Variants in UBP1 observed in about 807,000 individuals in gnomAD.
UBP1 encodes upstream-binding protein 1.
A neutral mutation model predicts 76.1 loss-of-function variants in UBP1; 22 were observed. The observed-to-expected ratio is 0.29, with a 90% CI of 0.21 to 0.41. The LOEUF (loss-of-function observed/expected upper bound fraction) is 0.41, where lower values mean the gene tolerates loss of function less well. UBP1 is among the 10% of genes least tolerant of loss of function. UBP1 has a pLI of 1.00. For missense variants in UBP1, 436 were observed against 668.1 expected, an observed-to-expected ratio of 0.65 and a Z score of 3.83; for synonymous variants, 224 against 237.1, an observed-to-expected ratio of 0.94 and a Z score of 0.51.
chr3:33,428,095 T>C (rs1575489702), intron 1 of UBP1, among the ~76,000 whole-genome samples: 1 of 148,014 alleles, frequency 6.8e-6, no homozygotes, highest in Non-Finnish European at 1.5e-5. Flanking sequence ...GGCAAGAGAA[T>C]TGCCTGAACC....
At chr3:33,401,680 A>AT (rs2154056086) in intron 9 of UBP1, among the ~76,000 whole-genome samples, 1 of 152,304 alleles carries the variant, frequency 6.6e-6, no homozygotes, top group South Asian at 2.1e-4. Context: ...CTTTCTACCC[A>AT]TAAGAACTTA....
intron 1 of UBP1, among the ~76,000 whole-genome samples, chr3:33,439,099 G>A (rs964588691): frequency 2.0e-5 from 3 of 152,212 alleles, no homozygotes; most frequent in African/African-American, 7.2e-5. Flanking sequence ...ACAGACAGCA[G>A]AGACTAAACA....
intron 1 of UBP1, among the ~76,000 whole-genome samples, chr3:33,439,079 G>A (rs887887029): frequency 1.3e-5 from 2 of 152,162 alleles, no homozygotes; most frequent in Non-Finnish European, 2.9e-5. Flanking sequence ...TAAAATGAAT[G>A]ACTGCTGGTA....
At chr3:33,393,259 ATGTATAAAAG>A in intron 14 of UBP1, 43 bp downstream of exon 14, 1 of 1,508,980 alleles carries the variant, frequency 6.6e-7, no homozygotes, top group Non-Finnish European at 8.9e-7. Flanking sequence ...CTACAATTAC[ATGTATAAAAG>A]TAAATACCAG....
At chr3:33,408,590 C>G in intron 8 of UBP1, 100 bp downstream of exon 8, 1 of 912,908 alleles carries the variant, frequency 1.1e-6, no homozygotes, top group South Asian at 2.0e-5. Flanking sequence ...ACATGGACAT[C>G]AAAAACAATT....
intron 2 of UBP1, among the ~76,000 whole-genome samples, chr3:33,424,020 G>A (rs569428722): frequency 1.3e-5 from 2 of 152,296 alleles, no homozygotes; most frequent in South Asian, 4.1e-4. Context: ...TTCATTCCAT[G>A]GTATGTATGT....
At chr3:33,408,128 T>C (rs1046080887) in intron 8 of UBP1, among the ~76,000 whole-genome samples, 4 of 152,070 alleles carry the variant, frequency 2.6e-5, no homozygotes, top group Non-Finnish European at 4.4e-5. Flanking sequence ...TTTTTTTTTT[T>C]CTACCAGTGC....
intron 8 of UBP1, among the ~76,000 whole-genome samples, chr3:33,406,364 T>C (rs1282369382): frequency 6.6e-6 from 1 of 152,238 alleles, no homozygotes; most frequent in East Asian, 1.9e-4. Context: ...CTAGCAAATC[T>C]AATCATGGGT....
intron 2 of UBP1, among the ~76,000 whole-genome samples, chr3:33,417,406 T>C (rs998798272): frequency 3.9e-5 from 6 of 152,192 alleles, no homozygotes; most frequent in African/African-American, 1.4e-4. Flanking sequence ...ATTTGTGCCT[T>C]GCTTTTTAAA....
intron 1 of UBP1, among the ~76,000 whole-genome samples, chr3:33,426,982 A>G (rs1380561391): frequency 6.6e-6 from 1 of 152,130 alleles, no homozygotes; most frequent in Admixed American, 6.5e-5. Flanking sequence ...TACTTATTTT[A>G]TTGGAGACAA....
At chr3:33,401,639 GCT>G (rs2044233170) in intron 9 of UBP1, among the ~76,000 whole-genome samples, 1 of 152,142 alleles carries the variant, frequency 6.6e-6, no homozygotes, top group African/African-American at 2.4e-5. Flanking sequence ...TGCCTCAATT[GCT>G]TAGGTTTATT....
intron 15 of UBP1, chr3:33,392,306 T>C (rs1017387769): frequency 2.7e-6 from 1 of 376,476 alleles, no homozygotes; most frequent in Non-Finnish European, 4.7e-6. Context: ...AGAAGCACGG[T>C]GTCTGACACA....
At chr3:33,434,656 A>C (rs1344438159) in intron 1 of UBP1, among the ~76,000 whole-genome samples, 2 of 147,712 alleles carry the variant, frequency 1.4e-5, no homozygotes, top group East Asian at 2.0e-4. Flanking sequence ...CCGTTTTTAC[A>C]CAATTATGGG....
intron 13 of UBP1, 35 bp downstream of exon 13, chr3:33,396,127 A>T: frequency 6.6e-7 from 1 of 1,509,026 alleles, no homozygotes. Flanking sequence ...TGACAGTCTC[A>T]GAAGTGACAG....
rs377555529 is a variant in UBP1 at position 33,425,639 on chromosome 3, C to T, written c.216G>A (p.Thr72=). 9 of 1,588,530 alleles carry T rather than the reference C, an allele frequency of 5.7e-6. No homozygotes were observed. Among genetic ancestry groups the T allele is most frequent in the African/African-American group, 4.0e-5 (3 of 74,672 alleles). ...CATCATGCAGTTTTACTGCTGGTGACGTTGCAGCACACATCACATACTGAA... is the reference window on the plus strand; with the variant it reads ...CATCATGCAGTTTTACTGCTGGTGATGTTGCAGCACACATCACATACTGAA... ...PPFQYVMCAA[T]SPAVKLHDET... Residue 72 remains threonine (T), a synonymous_variant, in exon 2 of 16, where the codon ACG becomes ACA. Transcript: ENST00000283629.
chr3:33,411,943 T>C (rs1015525627), intron 4 of UBP1, among the ~76,000 whole-genome samples: 1 of 152,056 alleles, frequency 6.6e-6, no homozygotes, highest in Non-Finnish European at 1.5e-5. Context: ...TCCCAGCACT[T>C]TGGGAGGCCA....
At chr3:33,412,686 C>A (rs1456915833) in intron 4 of UBP1, 36 bp downstream of exon 4, 2 of 1,317,466 alleles carry the variant, frequency 1.5e-6, no homozygotes, top group East Asian at 4.6e-5. Context: ...CTAAACAATA[C>A]CCTCATCTCC....
rs556322658 is a variant in UBP1, at chr3:33,388,937, T to C, written c.*1394A>G. ...TTGCCTGAACACAATGAGGATCAAA[T>C]AGTACATTCAAATCAGGACACCTGG... On this transcript the variant is annotated 3_prime_UTR_variant, in exon 16 of 16. Transcript: ENST00000283629. 2 of 152,220 alleles carry C rather than the reference T, an allele frequency of 1.3e-5. No individual in the cohort carries two copies. The highest frequency in any genetic ancestry group is 2.1e-4 in the South Asian group (1 of 4,828). The allele number at this position is 152,220 out of a possible 1,614,324, so 9.4% of individuals were successfully genotyped here.
At chr3:33,439,047 A>C (rs1177878833) in intron 1 of UBP1, among the ~76,000 whole-genome samples, 1 of 152,246 alleles carries the variant, frequency 6.6e-6, no homozygotes, top group Non-Finnish European at 1.5e-5. Flanking sequence ...CTAAGCTCAG[A>C]TCTGTTTCAA....
Sources: allele counts gnomAD v4.1 joint callset (sites outside exome capture counted in the v4.1 genomes callset), GRCh38; gene constraint gnomAD v4.1.1; transcripts MANE v1.5; gene names NCBI Gene and HGNC (gene_info 2026-07-23, HGNC 2026-07-21).